The following GNA12 variants were observed in gnomAD, a reference collection of about 807,000 sequenced individuals.
The protein encoded by GNA12 is G protein subunit alpha 12.
In GNA12, 9 loss-of-function variants were observed where a neutral mutation model predicts 26.0. The observed-to-expected ratio is 0.35, with a 90% CI of 0.21 to 0.60. The LOEUF (loss-of-function observed/expected upper bound fraction) is 0.60. GNA12 is among the 20% of genes least tolerant of loss of function. The probability of loss-of-function intolerance (pLI) is 0.78; values close to 1 mark genes in which losing one functional copy is unlikely to be tolerated. For synonymous variants in GNA12, 264 were observed against 219.6 expected, an observed-to-expected ratio of 1.20 and a Z score of -1.79; for missense variants, 405 against 525.8, an observed-to-expected ratio of 0.77 and a Z score of 2.25.
chr7:2,731,118 C>T lies in GNA12; in HGVS notation c.*63G>A. ...CAAGGACCACACAGACAACACACAC[C>T]CAAGAGTCTGACCGACAGCCGTGGG... is the stretch of plus-strand genomic sequence containing the variant. On this transcript the variant is annotated 3_prime_UTR_variant, in exon 4 of 4. Transcript: ENST00000275364. The surrounding 1 kb of genome is among the most constrained non-coding windows in gnomAD (Gnocchi z 6.0). 1.8e-6 allele frequency: 2 copies of T among 1,126,626 alleles called. No individual in the cohort carries two copies. The highest frequency in any genetic ancestry group is 2.6e-6 in the Non-Finnish European group (2 of 766,958). The allele number at this position is 1,126,626 out of a possible 1,614,324, so 69.8% of individuals were successfully genotyped here. A position where few individuals can be genotyped will look rare whatever the true frequency, so the allele number is the denominator to read the frequency against.
At chr7:2,762,261 A>C (rs1054435484) in intron 2 of GNA12, 1 of 216,402 alleles carries the variant, frequency 4.6e-6, no homozygotes, top group African/African-American at 2.3e-5. Flanking sequence ...ACCCTGACTT[A>C]GGGTCGTCAC....
At chr7:2,804,832 G>A (rs1792904100) in intron 1 of GNA12, among the ~76,000 whole-genome samples, 1 of 152,024 alleles carries the variant, frequency 6.6e-6, no homozygotes, top group African/African-American at 2.4e-5. Flanking sequence ...GCCGAGGCGG[G>A]AGGATCTGTT....
At chr7:2,809,008 G>C (rs1438023526) in intron 1 of GNA12, among the ~76,000 whole-genome samples, 1 of 152,136 alleles carries the variant, frequency 6.6e-6, no homozygotes, top group Non-Finnish European at 1.5e-5. Flanking sequence ...TGAGGACTGG[G>C]GCAGGGAAGC....
At chr7:2,821,732 T>G (rs966962361) in intron 1 of GNA12, among the ~76,000 whole-genome samples, 2 of 152,222 alleles carry the variant, frequency 1.3e-5, no homozygotes, top group African/African-American at 4.8e-5. Context: ...GCAAGTCTAG[T>G]AGCAAAGGGC....
intron 2 of GNA12, among the ~76,000 whole-genome samples, chr7:2,789,153 T>TTTTTTTTTTA (rs1792449215): frequency 3.8e-5 from 5 of 130,096 alleles, no homozygotes; most frequent in Admixed American, 1.5e-4. Flanking sequence ...TTTTTTTTTT[T>TTTTTTTTTTA]GAGACGGAGT....
intron 1 of GNA12, among the ~76,000 whole-genome samples, chr7:2,803,552 G>A (rs1300861730): frequency 6.6e-6 from 1 of 152,202 alleles, no homozygotes; most frequent in Non-Finnish European, 1.5e-5. Flanking sequence ...GCCCTGTTGT[G>A]TAAGCACAAT....
rs187423771 is a variant in GNA12 at position 2,781,055 on chromosome 7, T to A, written c.525+13873A>T. ...TTTAATTTTTGCAAATCTGTGAGTA[T>A]ATCATAATATCATCTCCTCTTCTCA... On this transcript the variant is annotated intron_variant, in intron 2 of 3. Coordinates refer to ENST00000275364, the MANE Select transcript of GNA12 (RefSeq NM_007353.3). Among the ~76,000 whole-genome samples, 499 of 152,346 alleles carry A rather than the reference T, an allele frequency of 3.3e-3. 1 individual carries two copies. The highest frequency in any genetic ancestry group is 5.4e-3 in the Admixed American group (83 of 15,300).
intron 1 of GNA12, among the ~76,000 whole-genome samples, chr7:2,818,285 C>T (rs1003089811): frequency 6.6e-6 from 1 of 152,208 alleles, no homozygotes; most frequent in African/African-American, 2.4e-5. Context: ...GCGCCTCACA[C>T]ACTGCAGGAC....
In GNA12 at chr7:2,737,314, A is replaced by G. The variant is rs184317956; in HGVS notation, c.526-3813T>C. Among the ~76,000 whole-genome samples the G allele has an allele frequency of 3.0e-3, 292 of 95,872 alleles. 11 individuals are homozygous for G. The East Asian group carries it at 0.095, about 31-fold the overall frequency. 62.9% of individuals were successfully genotyped at this position (95,872 alleles called of 152,430 possible). Reference sequence around the variant, plus strand: ...GTTTTTTTTTTTTTTTTTGAGATGGAGTCTCGCCCTGTCGCCCCGGCTGGA... The same window carrying G: ...GTTTTTTTTTTTTTTTTTGAGATGGGGTCTCGCCCTGTCGCCCCGGCTGGA... On this transcript the variant is annotated intron_variant, in intron 2 of 3. Coordinates refer to ENST00000275364, the MANE Select transcript of GNA12 (RefSeq NM_007353.3).
intron 2 of GNA12, among the ~76,000 whole-genome samples, chr7:2,743,825 AAC>A (rs1450386545): frequency 6.6e-6 from 1 of 152,064 alleles, no homozygotes; most frequent in East Asian, 1.9e-4. Context: ...CTCCCACCCT[AAC>A]ACTGCACTTT....
chr7:2,835,391 C>T (rs938453435), intron 1 of GNA12, among the ~76,000 whole-genome samples: 1 of 152,212 alleles, frequency 6.6e-6, no homozygotes, highest in Non-Finnish European at 1.5e-5. Flanking sequence ...CCCACACCCC[C>T]ATTGATGTTG....
intron 2 of GNA12, among the ~76,000 whole-genome samples, chr7:2,759,041 G>A (rs1240877824): frequency 1.3e-5 from 2 of 151,976 alleles, no homozygotes; most frequent in African/African-American, 4.8e-5. Context: ...TGGGGAGGCT[G>A]AGGCAGGAGA....
chr7:2,821,694 T>A (rs1332670121), intron 1 of GNA12, among the ~76,000 whole-genome samples: 1 of 152,154 alleles, frequency 6.6e-6, no homozygotes, highest in African/African-American at 2.4e-5. Context: ...TGATGAACAA[T>A]GCTAGGTAAG....
chr7:2,784,762 T>C (rs924593270), intron 2 of GNA12, among the ~76,000 whole-genome samples: 3 of 152,208 alleles, frequency 2.0e-5, no homozygotes, highest in Admixed American at 6.5e-5. Context: ...CTCACTCCTT[T>C]AGCATACAGA....
At chr7:2,837,841 A>G in intron 1 of GNA12, among the ~76,000 whole-genome samples, 1 of 138,872 alleles carries the variant, frequency 7.2e-6, no homozygotes, top group Admixed American at 6.9e-5. Flanking sequence ...AATAGGTAAT[A>G]AAAAAAAAAG....
intron 2 of GNA12, among the ~76,000 whole-genome samples, chr7:2,766,895 CTTG>C (rs1791820049): frequency 6.6e-6 from 1 of 152,148 alleles, no homozygotes; most frequent in African/African-American, 2.4e-5. Flanking sequence ...CTCACCAACA[CTTG>C]TTATTTTGTT....
intron 1 of GNA12, among the ~76,000 whole-genome samples, chr7:2,839,195 G>T (rs1778920467): frequency 1.3e-5 from 2 of 152,154 alleles, no homozygotes; most frequent in African/African-American, 4.8e-5. Context: ...GTCCATAGTG[G>T]AGTCGAACCA....
intron 1 of GNA12, among the ~76,000 whole-genome samples, chr7:2,839,668 G>A (rs958771964): frequency 6.6e-6 from 1 of 152,206 alleles, no homozygotes; most frequent in African/African-American, 2.4e-5. Context: ...ACAGGCATGA[G>A]CCATTGCACC....
intron 3 of GNA12, 67 bp downstream of exon 3, chr7:2,733,384 G>T: frequency 1.6e-6 from 2 of 1,282,162 alleles, no homozygotes; most frequent in Non-Finnish European, 2.2e-6. Flanking sequence ...AACGTGGACT[G>T]CTTTGGTCTC....
Sources: allele counts gnomAD v4.1 joint callset (sites outside exome capture counted in the v4.1 genomes callset), GRCh38; gene constraint gnomAD v4.1.1; non-coding constraint Gnocchi (gnomAD v3.1); transcripts MANE v1.5; gene names NCBI Gene and HGNC (gene_info 2026-07-23, HGNC 2026-07-21).